MAGI1: variants seen among roughly 807,000 people sequenced by gnomAD.
The protein encoded by MAGI1 is membrane-associated guanylate kinase, WW and PDZ domain-containing protein 1.
In MAGI1, 58 loss-of-function variants were observed where a neutral mutation model predicts 139.9. That is an observed-to-expected ratio of 0.41 (90% CI 0.34 to 0.52). The LOEUF (loss-of-function observed/expected upper bound fraction) is 0.52. Ranked by LOEUF, MAGI1 falls within the 20% of genes least tolerant of loss-of-function variation. The pLI is 0.12. For synonymous variants in MAGI1, 812 were observed against 737.9 expected (o/e 1.10, Z -1.63); for missense variants, 1,874 against 1,901.6 (o/e 0.99, Z 0.27).
At chr3:65,415,604 G>T (rs917808091) in intron 12 of MAGI1, among the ~76,000 whole-genome samples, 1 of 152,166 alleles carries the variant, frequency 6.6e-6, no homozygotes, top group Non-Finnish European at 1.5e-5. Flanking sequence ...AAGAAGAAGT[G>T]GGGAATTCTC....
chr3:65,842,970 C>A (rs1016005256), intron 1 of MAGI1, among the ~76,000 whole-genome samples: 1 of 152,066 alleles, frequency 6.6e-6, no homozygotes, highest in African/African-American at 2.4e-5. Flanking sequence ...AAAATGTCTC[C>A]CCTACCAAAA....
chr3:65,998,056 T>C (rs567003424), intron 1 of MAGI1, among the ~76,000 whole-genome samples: 3 of 150,722 alleles, frequency 2.0e-5, no homozygotes, highest in African/African-American at 7.3e-5. Context: ...TGAGCCAAGA[T>C]TGCGCCATTG....
At chr3:66,032,570 C>A (rs1559512837) in intron 1 of MAGI1, among the ~76,000 whole-genome samples, 1 of 151,564 alleles carries the variant, frequency 6.6e-6, no homozygotes, top group Non-Finnish European at 1.5e-5. Context: ...ACAAGAGAGA[C>A]AAGCTTCTTG....
rs193056678 is a variant in MAGI1, at chr3:65,629,690, C to T, written c.314-7602G>A. On this transcript the variant is annotated intron_variant, in intron 1 of 22. Transcript: ENST00000402939. The stretch of plus-strand genomic sequence containing the variant: ...TCACTCAAACTTACAATCCAAAATT[C>T]ATTTAAGTGAGCTTTATCTGAAAAG... 7.9e-5 allele frequency among the ~76,000 whole-genome samples: 12 copies of T among 152,186 alleles called. 1 individual carries two copies. In the South Asian group the frequency reaches 1.5e-3, roughly 18 times the overall value.
At chr3:65,400,750 ATTTTTTTTTTTTT>A (rs767598706) in intron 13 of MAGI1, among the ~76,000 whole-genome samples, 12,270 of 60,568 alleles carry the variant, frequency 0.2, 1,085 homozygotes, top group East Asian at 0.44. Context: ...CAAAACATTG[ATTTTTTTTTTTTT>A]TTTTTTTTTT....
intron 1 of MAGI1, among the ~76,000 whole-genome samples, chr3:65,784,737 A>G (rs77795277): frequency 2.8e-3 from 1 of 354 alleles, no homozygotes; most frequent in Non-Finnish European, 0.12. Context: ...AAAAGAAAAG[A>G]AAAAAAAAAA....
chr3:65,749,010 T>G (rs530166840), intron 1 of MAGI1, among the ~76,000 whole-genome samples: 1 of 152,020 alleles, frequency 6.6e-6, no homozygotes, highest in East Asian at 1.9e-4. Flanking sequence ...GCAGTAGGGG[T>G]GGACAGTAGA....
intron 1 of MAGI1, among the ~76,000 whole-genome samples, chr3:65,625,303 TTAAAA>T (rs1473493208): frequency 1.3e-5 from 2 of 152,338 alleles, no homozygotes; most frequent in Middle Eastern, 3.4e-3. Flanking sequence ...TTTCAAAAGT[TTAAAA>T]TATATACAGT....
intron 1 of MAGI1, among the ~76,000 whole-genome samples, chr3:65,940,619 A>C (rs2063265757): frequency 6.6e-6 from 1 of 152,162 alleles, no homozygotes; most frequent in Non-Finnish European, 1.5e-5. Context: ...TCAACATATA[A>C]ATTTTGGGGA....
intron 14 of MAGI1, among the ~76,000 whole-genome samples, chr3:65,388,594 G>GA (rs1943636612): frequency 6.6e-6 from 1 of 152,076 alleles, no homozygotes; most frequent in African/African-American, 2.4e-5. Flanking sequence ...GTGAAAATAA[G>GA]AAAATCTGTG....
At chr3:65,626,282 A>G (rs2083966897) in intron 1 of MAGI1, among the ~76,000 whole-genome samples, 1 of 152,194 alleles carries the variant, frequency 6.6e-6, no homozygotes, top group African/African-American at 2.4e-5. Context: ...ATATGTGGTA[A>G]CTATCAAGAT....
intron 2 of MAGI1, among the ~76,000 whole-genome samples, chr3:65,603,790 C>CT (rs1432494196): frequency 6.6e-6 from 1 of 152,172 alleles, no homozygotes; most frequent in Non-Finnish European, 1.5e-5. Flanking sequence ...GCAAGTTTGT[C>CT]TTTTGAGGGC....
intron 1 of MAGI1, among the ~76,000 whole-genome samples, chr3:65,690,998 G>C (rs1230706501): frequency 6.6e-6 from 1 of 151,966 alleles, no homozygotes; most frequent in Non-Finnish European, 1.5e-5. Context: ...TAGGACACTG[G>C]TGCCTTAAGA....
Position 65,453,192 on chromosome 3 carries a change from T to C in MAGI1, c.1042+66A>G, listed in dbSNP as rs566294944. 51 of 1,436,832 alleles carry C rather than the reference T, an allele frequency of 3.5e-5. No individual in the cohort carries two copies. The African/African-American group carries it at 6.3e-4, about 18-fold the overall frequency. The allele number at this position is 1,436,832 out of a possible 1,614,324, so 89.0% of individuals were successfully genotyped here. On this transcript the variant is annotated intron_variant, in intron 6 of 22. Coordinates refer to ENST00000402939, the MANE Select transcript of MAGI1 (RefSeq NM_001033057.2). ...GACCCGACTGACCTGGCTACGACTC[T>C]TTAAAATTTGCACATGTGAACAGTG...
At chr3:65,750,498 G>GTTC (rs202013386) in intron 1 of MAGI1, among the ~76,000 whole-genome samples, 3 of 152,182 alleles carry the variant, frequency 2.0e-5, no homozygotes, top group Non-Finnish European at 4.4e-5. Flanking sequence ...ACTCTAAATA[G>GTTC]TGATTTGATT....
At chr3:65,727,224 A>C (rs1046660421) in intron 1 of MAGI1, among the ~76,000 whole-genome samples, 2 of 152,218 alleles carry the variant, frequency 1.3e-5, no homozygotes, top group African/African-American at 2.4e-5. Context: ...TAATTCAACA[A>C]CTTATCTGAC....
chr3:65,998,105 GAA>G (rs374034371), intron 1 of MAGI1, among the ~76,000 whole-genome samples: 2 of 122,462 alleles, frequency 1.6e-5, no homozygotes. Context: ...TCTGTCTCGG[GAA>G]AAAAAAAAAA....
chr3:65,638,005 C>T (rs746153472), intron 1 of MAGI1, among the ~76,000 whole-genome samples: 1 of 152,060 alleles, frequency 6.6e-6, no homozygotes, highest in Non-Finnish European at 1.5e-5. Flanking sequence ...TGTGACTGAA[C>T]AAGTGAGTGA....
At chr3:65,989,757 C>T (rs112071402) in intron 1 of MAGI1, among the ~76,000 whole-genome samples, 11,412 of 152,126 alleles carry the variant, frequency 0.075, 589 homozygotes, top group South Asian at 0.12. Context: ...AGGCTGGTCT[C>T]GAACTCCTGG....
Sources: allele counts gnomAD v4.1 joint callset (sites outside exome capture counted in the v4.1 genomes callset), GRCh38; gene constraint gnomAD v4.1.1; transcripts MANE v1.5; gene names NCBI Gene and HGNC (gene_info 2026-07-23, HGNC 2026-07-21).